PAPPA2: variants seen among roughly 807,000 people sequenced by gnomAD.
The protein encoded by PAPPA2 is pappalysin 2.
PAPPA2 carries 86 observed loss-of-function variants against 176.4 expected under a neutral mutation model. The observed-to-expected ratio is 0.49, with a 90% CI of 0.41 to 0.58. The LOEUF is 0.58. PAPPA2 is among the 20% of genes least tolerant of loss of function. The probability of loss-of-function intolerance (pLI) is 0.00; values close to 1 mark genes in which losing one functional copy is unlikely to be tolerated. For missense variants in PAPPA2, 2,073 were observed against 2,256.9 expected, an observed-to-expected ratio of 0.92 and a Z score of 1.65; for synonymous variants, 809 against 852.2, an observed-to-expected ratio of 0.95 and a Z score of 0.88.
At chr1:176,662,763 C>G (rs1369371571) in intron 3 of PAPPA2, among the ~76,000 whole-genome samples, 1 of 152,076 alleles carries the variant, frequency 6.6e-6, no homozygotes, top group African/African-American at 2.4e-5. Context: ...CCTTCCACCT[C>G]CAAAAGGCCA....
At chr1:176,671,260 TTAG>T (rs1460401098) in intron 4 of PAPPA2, 145 bp downstream of exon 4, 2 of 1,087,070 alleles carry the variant, frequency 1.8e-6, no homozygotes, top group Admixed American at 5.4e-5. Context: ...AGAATGGCAC[TTAG>T]TAGAGCCTGT....
rs60768210 is a variant in PAPPA2, at chr1:176,837,326, T to C, written c.5203-2847T>C. On this transcript the variant is annotated intron_variant, in intron 21 of 22. Coordinates refer to ENST00000367662, the MANE Select transcript of PAPPA2 (RefSeq NM_020318.3). The stretch of plus-strand genomic sequence containing the variant: ...AGGTATAACGCTAAGGGCTTGACTT[T>C]CTGGCTCAAACATAAATCATCTCTG... Among the ~76,000 whole-genome samples, 1,132 of 152,198 alleles carry C rather than the reference T, an allele frequency of 7.4e-3. 11 individuals are homozygous for C. Among genetic ancestry groups the C allele is most frequent in the African/African-American group, 0.026 (1,064 of 41,540 alleles).
In PAPPA2 at chr1:176,638,937, T is replaced by A. The variant is rs566145153; in HGVS notation, c.1992-32033T>A. On this transcript the variant is annotated intron_variant, in intron 3 of 22. Coordinates refer to ENST00000367662, the MANE Select transcript of PAPPA2 (RefSeq NM_020318.3). ...TGGTGTGTGTGTGTGCATGTGCATG[T>A]GCGTGTGTGTGTGTGTGTGTGTGTG... Among the ~76,000 whole-genome samples, 4 of 131,578 alleles carry A rather than the reference T, an allele frequency of 3.0e-5. No individual in the cohort carries two copies. In the East Asian group the frequency reaches 8.0e-4, roughly 26 times the overall value. The allele number at this position is 131,578 out of a possible 152,430, so 86.3% of individuals were successfully genotyped here. A position where few individuals can be genotyped will look rare whatever the true frequency, so the allele number is the denominator to read the frequency against.
chr1:176,683,338 A>T (rs1382855708), intron 4 of PAPPA2, among the ~76,000 whole-genome samples: 2 of 152,140 alleles, frequency 1.3e-5, no homozygotes, highest in Non-Finnish European at 2.9e-5. Flanking sequence ...CTGCCAGTCC[A>T]TTAAGGAACA....
At chr1:176,761,836 T>C (rs919462963) in intron 14 of PAPPA2, among the ~76,000 whole-genome samples, 1 of 152,234 alleles carries the variant, frequency 6.6e-6, no homozygotes, top group African/African-American at 2.4e-5. Context: ...ACTTCCCACT[T>C]CTCTGGGGCA....
chr1:176,730,923 A>G (rs1165237133), intron 12 of PAPPA2, among the ~76,000 whole-genome samples: 1 of 151,958 alleles, frequency 6.6e-6, no homozygotes, highest in Non-Finnish European at 1.5e-5. Flanking sequence ...TTATTGTGCC[A>G]GCTGTGTCTT....
chr1:176,830,801 A>G (rs1368965930), intron 21 of PAPPA2, among the ~76,000 whole-genome samples: 2 of 152,208 alleles, frequency 1.3e-5, no homozygotes, highest in African/African-American at 4.8e-5. Flanking sequence ...AGCCCACGGC[A>G]CAGACTTTGC....
intron 8 of PAPPA2, among the ~76,000 whole-genome samples, chr1:176,700,636 C>A (rs115590550): frequency 6.6e-6 from 1 of 152,178 alleles, no homozygotes; most frequent in South Asian, 2.1e-4. Context: ...GCAGAGAGGG[C>A]AAGCCCCAAA....
intron 12 of PAPPA2, among the ~76,000 whole-genome samples, chr1:176,712,731 A>C (rs1347952730): frequency 6.6e-6 from 1 of 152,240 alleles, no homozygotes; most frequent in Admixed American, 6.5e-5. Context: ...CAAGTAGGCC[A>C]GCTTTGGTAA....
intron 3 of PAPPA2, among the ~76,000 whole-genome samples, chr1:176,632,537 T>A (rs554083369): frequency 9.2e-5 from 14 of 151,680 alleles, no homozygotes; most frequent in South Asian, 4.2e-4. Context: ...TCAAAAAAAA[T>A]AAAAAATAAA....
intron 1 of PAPPA2, among the ~76,000 whole-genome samples, chr1:176,520,553 G>A (rs1204294271): frequency 1.3e-5 from 2 of 152,192 alleles, no homozygotes; most frequent in Admixed American, 6.5e-5. Flanking sequence ...ACATTTCATA[G>A]TTAACACTTA....
intron 12 of PAPPA2, among the ~76,000 whole-genome samples, chr1:176,720,536 T>A (rs1661571779): frequency 6.6e-6 from 1 of 152,152 alleles, no homozygotes; most frequent in Non-Finnish European, 1.5e-5. Context: ...TTTGTCTCTT[T>A]CTTGCTTTTT....
intron 20 of PAPPA2, 84 bp downstream of exon 20, chr1:176,793,753 A>G: frequency 2.0e-6 from 2 of 998,980 alleles, no homozygotes; most frequent in Non-Finnish European, 2.9e-6. Context: ...GTAATTTCAG[A>G]GGCTTTCAAA....
chr1:176,809,465 T>C (rs940127935), intron 21 of PAPPA2, among the ~76,000 whole-genome samples: 1 of 152,210 alleles, frequency 6.6e-6, no homozygotes, highest in Non-Finnish European at 1.5e-5. Flanking sequence ...GGATTCTTTC[T>C]TCTCTGTTGT....
intron 15 of PAPPA2, among the ~76,000 whole-genome samples, chr1:176,766,877 T>G (rs1454383047): frequency 6.6e-6 from 1 of 152,030 alleles, no homozygotes; most frequent in Non-Finnish European, 1.5e-5. Context: ...CATACAACTG[T>G]TAGCTAGACA....
intron 1 of PAPPA2, among the ~76,000 whole-genome samples, chr1:176,486,738 G>A (rs1652660545): frequency 6.6e-6 from 1 of 152,208 alleles, no homozygotes. Flanking sequence ...TCCAGCAAAG[G>A]ACGATGAGAG....
At chr1:176,495,879 C>T (rs1380958842) in intron 1 of PAPPA2, among the ~76,000 whole-genome samples, 4 of 151,860 alleles carry the variant, frequency 2.6e-5, no homozygotes, top group South Asian at 2.1e-4. Flanking sequence ...GCGATCCTCC[C>T]GCTCCATCTT....
At chr1:176,564,013 A>G (rs919009740) in intron 2 of PAPPA2, among the ~76,000 whole-genome samples, 1 of 152,120 alleles carries the variant, frequency 6.6e-6, no homozygotes, top group African/African-American at 2.4e-5. Flanking sequence ...ACTTGCAGCA[A>G]TGACTGATGT....
chr1:176,586,251 T>C (rs1399172683), intron 2 of PAPPA2, among the ~76,000 whole-genome samples: 1 of 152,232 alleles, frequency 6.6e-6, no homozygotes, highest in Non-Finnish European at 1.5e-5. Context: ...ATAAAAATTA[T>C]TCAAATATTT....
Sources: allele counts gnomAD v4.1 joint callset (sites outside exome capture counted in the v4.1 genomes callset), GRCh38; gene constraint gnomAD v4.1.1; transcripts MANE v1.5; gene names NCBI Gene and HGNC (gene_info 2026-07-23, HGNC 2026-07-21).